The following ETHE1 variants were observed in gnomAD, a reference collection of about 807,000 sequenced individuals.
ETHE1 encodes persulfide dioxygenase ETHE1, mitochondrial.
ETHE1 carries 16 observed loss-of-function variants against 25.7 expected under a neutral mutation model. The ratio of observed to expected loss-of-function variants is 0.62; its 90% confidence interval spans 0.42 to 0.95. The LOEUF (loss-of-function observed/expected upper bound fraction) is 0.95. ETHE1 is among the 40% of genes least tolerant of loss of function. The probability of loss-of-function intolerance (pLI) is 0.00; values close to 1 mark genes in which losing one functional copy is unlikely to be tolerated. For synonymous variants in ETHE1, 139 were observed against 135.9 expected (o/e 1.02, Z -0.16); for missense variants, 300 against 333.6 (o/e 0.90, Z 0.79).
intron 3 of ETHE1, among the ~76,000 whole-genome samples, chr19:43,517,745 C>T (rs1158275272): frequency 1.3e-5 from 2 of 151,216 alleles, no homozygotes; most frequent in East Asian, 3.9e-4. Flanking sequence ...CACTGCACTC[C>T]ACCCTGGGTG....
intron 3 of ETHE1, among the ~76,000 whole-genome samples, chr19:43,524,159 C>T (rs117155262): frequency 0.056 from 8,510 of 151,320 alleles, 400 homozygotes; most frequent in Admixed American, 0.13. Flanking sequence ...GCTGAGATAG[C>T]GCCATTGCAC....
intron 5 of ETHE1, among the ~76,000 whole-genome samples, chr19:43,508,346 C>CTTTTTTTTTTTTT (rs397933393): frequency 3.2e-5 from 4 of 124,710 alleles, no homozygotes; most frequent in South Asian, 2.6e-4. Context: ...CACTTTATCT[C>CTTTTTTTTTTTTT]TTTTTTTTTT....
intron 3 of ETHE1, among the ~76,000 whole-genome samples, chr19:43,524,775 G>A (rs1012974958): frequency 6.6e-6 from 1 of 151,986 alleles, no homozygotes; most frequent in African/African-American, 2.4e-5. Flanking sequence ...TTGCACTCCA[G>A]CCTGGGTGAC....
In ETHE1 at chr19:43,506,762, G is replaced by T; in HGVS notation, c.*88C>A. 2.4e-6 allele frequency: 3 copies of T among 1,248,134 alleles called. No individual in the cohort carries two copies. The highest frequency in any genetic ancestry group is 3.5e-6 in the Non-Finnish European group (3 of 849,832). The allele number at this position is 1,248,134 out of a possible 1,614,324, so 77.3% of individuals were successfully genotyped here. A position where few individuals can be genotyped will look rare whatever the true frequency, so the allele number is the denominator to read the frequency against. ...TATTTAGGGAGCTCCAGGGAATGCG[G>T]TGGGAAAGGAGAGGTGCAGTGTCAT... On this transcript the variant is annotated 3_prime_UTR_variant, in exon 7 of 7. Coordinates refer to ENST00000292147, the MANE Select transcript of ETHE1 (RefSeq NM_014297.5).
intron 3 of ETHE1, among the ~76,000 whole-genome samples, chr19:43,519,856 C>T (rs990164222): frequency 6.6e-6 from 1 of 152,024 alleles, no homozygotes; most frequent in Non-Finnish European, 1.5e-5. Context: ...TACATACGCA[C>T]CTATGATAGA....
intron 4 of ETHE1, 37 bp downstream of exon 4, chr19:43,511,400 A>G: frequency 1.2e-6 from 2 of 1,613,994 alleles, no homozygotes; most frequent in Non-Finnish European, 1.7e-6. Context: ...ACACGTAACT[A>G]TATGAAGATC....
intron 3 of ETHE1, among the ~76,000 whole-genome samples, chr19:43,520,829 A>G (rs1972124627): frequency 1.3e-5 from 2 of 152,208 alleles, no homozygotes; most frequent in Admixed American, 6.5e-5. Context: ...CTTGAGCCAC[A>G]TAAGAATCAA....
At chr19:43,510,668 C>G (rs1303863117) in intron 4 of ETHE1, among the ~76,000 whole-genome samples, 1 of 144,830 alleles carries the variant, frequency 6.9e-6, no homozygotes, top group Non-Finnish European at 1.5e-5. Context: ...ATATTTGTTT[C>G]TTAGAGAGGG....
intron 3 of ETHE1, among the ~76,000 whole-genome samples, chr19:43,520,828 C>T (rs1325638043): frequency 6.6e-6 from 1 of 152,140 alleles, no homozygotes; most frequent in African/African-American, 2.4e-5. Context: ...ACTTGAGCCA[C>T]ATAAGAATCA....
intron 3 of ETHE1, among the ~76,000 whole-genome samples, chr19:43,512,773 T>A (rs922042495): frequency 6.6e-6 from 1 of 150,630 alleles, no homozygotes; most frequent in Non-Finnish European, 1.5e-5. Context: ...TGAGGAAAAA[T>A]TCAAGCCTGC....
intron 3 of ETHE1, among the ~76,000 whole-genome samples, chr19:43,513,906 T>C (rs1971969461): frequency 1.3e-5 from 2 of 151,944 alleles, no homozygotes; most frequent in African/African-American, 2.4e-5. Context: ...ATTTTTAGTA[T>C]AGACAGGGTT....
intron 3 of ETHE1, among the ~76,000 whole-genome samples, chr19:43,519,841 T>G (rs1411497581): frequency 6.6e-6 from 1 of 152,192 alleles, no homozygotes; most frequent in Non-Finnish European, 1.5e-5. Flanking sequence ...CTATGCTTTT[T>G]CCTATACATA....
At chr19:43,506,966 A>G (rs1184857701) in intron 6 of ETHE1, 64 bp from the exon 7 acceptor site, 3 of 1,541,296 alleles carry the variant, frequency 1.9e-6, no homozygotes, top group Non-Finnish European at 2.7e-6. Context: ...CCCACTGGAG[A>G]CCCAGAAATC....
Position 43,511,555 on chromosome 19 carries a change from G to T in ETHE1, c.387C>A (p.Thr129=), listed in dbSNP as rs528898300. 1 of 1,613,594 alleles carries T rather than the reference G, an allele frequency of 6.2e-7. No individual in the cohort carries two copies. The highest frequency in any genetic ancestry group is 8.5e-7 in the Non-Finnish European group (1 of 1,179,996). Residue 129 remains threonine, a synonymous_variant, in exon 4 of 7, where the codon ACC becomes ACA. Coordinates refer to ENST00000292147, the MANE Select transcript of ETHE1 (RefSeq NM_014297.5). ...CTGGGGTGTGGCCAGGGCTGGCCCT[G>T]GTCTCCAACGCCTGGCAGGGGTGGA... ...SIRFGRFALE[T]RASPGHTPGC...
At chr19:43,526,929 C>G (rs553557654) in intron 1 of ETHE1, 168 bp downstream of exon 1, 2 of 1,497,738 alleles carry the variant, frequency 1.3e-6, no homozygotes, top group Admixed American at 4.2e-5. Flanking sequence ...GGCCCCCAGA[C>G]CACTCACCTT....
intron 3 of ETHE1, among the ~76,000 whole-genome samples, chr19:43,522,607 G>C (rs1422064459): frequency 3.9e-5 from 6 of 152,076 alleles, no homozygotes; most frequent in East Asian, 1.9e-4. Context: ...TCAGCCTCCT[G>C]AGTAGCTGGG....
chr19:43,526,715 C>T, intron 1 of ETHE1, 56 bp from the exon 2 acceptor site: 4 of 1,611,116 alleles, frequency 2.5e-6, no homozygotes, highest in Non-Finnish European at 3.4e-6. Flanking sequence ...CCACTGGAGG[C>T]CAAGTAGTCC....
intron 3 of ETHE1, 166 bp downstream of exon 3, chr19:43,526,035 G>T: frequency 1.0e-6 from 1 of 996,286 alleles, no homozygotes. Flanking sequence ...GCCCCACCTG[G>T]GTTTATGGTG....
rs572004951 is a variant in ETHE1 at position 43,515,014 on chromosome 19, C to A, written c.376-3448G>T. On this transcript the variant is annotated intron_variant, in intron 3 of 6. Coordinates refer to ENST00000292147, the MANE Select transcript of ETHE1 (RefSeq NM_014297.5). ...TTAATATACAAACAGATCTTGCAAA[C>A]CAATTTTAAAAAGGTAAGCACACTA... Among the ~76,000 whole-genome samples, 5 of 152,212 alleles carry A rather than the reference C, an allele frequency of 3.3e-5. No homozygotes were observed. In the East Asian group the frequency reaches 9.6e-4, roughly 29 times the overall value.
Sources: allele counts gnomAD v4.1 joint callset (sites outside exome capture counted in the v4.1 genomes callset), GRCh38; gene constraint gnomAD v4.1.1; transcripts MANE v1.5; gene names NCBI Gene and HGNC (gene_info 2026-07-23, HGNC 2026-07-21).